RIMS2: variants seen among roughly 807,000 people sequenced by gnomAD.
RIMS2 encodes regulating synaptic membrane exocytosis protein 2.
A neutral mutation model predicts 174.4 loss-of-function variants in RIMS2; 59 were observed. The observed-to-expected ratio is 0.34, with a 90% CI of 0.27 to 0.42. The LOEUF (loss-of-function observed/expected upper bound fraction) is 0.42, where lower values mean the gene tolerates loss of function less well. Among genes scored for constraint, RIMS2 ranks in the 10% least tolerant of loss-of-function variants. RIMS2 has a pLI of 1.00. For missense variants in RIMS2, 1,620 were observed against 1,666.3 expected (o/e 0.97, Z 0.48); for synonymous variants, 606 against 572.5 (o/e 1.06, Z -0.84).
At chr8:103,931,672 T>G (rs1197302410) in intron 12 of RIMS2, among the ~76,000 whole-genome samples, 2 of 152,118 alleles carry the variant, frequency 1.3e-5, no homozygotes, top group Non-Finnish European at 2.9e-5. Context: ...TTATGCTTCC[T>G]AAAATCAAAT....
intron 19 of RIMS2, among the ~76,000 whole-genome samples, chr8:104,128,068 A>G (rs540077344): frequency 1.3e-5 from 2 of 152,348 alleles, no homozygotes; most frequent in African/African-American, 4.8e-5. Context: ...CAACTGAAAC[A>G]GGTGAAACAG....
chr8:103,597,629 T>C (rs1435528784), intron 1 of RIMS2, among the ~76,000 whole-genome samples: 2 of 152,274 alleles, frequency 1.3e-5, no homozygotes, highest in East Asian at 3.9e-4. Flanking sequence ...TGAACTCTTT[T>C]ATATATAGAA....
At position 103,688,078 on chromosome 8, in the gene RIMS2, GC is replaced by G. The variant is rs530138137; in HGVS notation, c.177-9006del. On this transcript the variant is annotated intron_variant, in intron 1 of 23. Transcript: ENST00000504942. ...ATTAAATTTCCTTTTCAATTTGGAT[GC>G]CTTTTATTTCTTTCTTATGCTTAAT... 2.1e-4 allele frequency among the ~76,000 whole-genome samples: 32 copies of G among 152,114 alleles called. No homozygotes were observed. The South Asian group carries it at 6.6e-3, about 32-fold the overall frequency.
chr8:103,609,971 T>A (rs1002676067), intron 1 of RIMS2, among the ~76,000 whole-genome samples: 1 of 152,238 alleles, frequency 6.6e-6, no homozygotes, highest in East Asian at 1.9e-4. Flanking sequence ...GAGTACGGAA[T>A]GCCTTTCTAT....
intron 3 of RIMS2, among the ~76,000 whole-genome samples, chr8:103,809,340 T>G (rs992011404): frequency 6.6e-6 from 1 of 152,050 alleles, no homozygotes; most frequent in Admixed American, 6.6e-5. Context: ...TTATTACAAG[T>G]TTTCTTAACA....
intron 1 of RIMS2, among the ~76,000 whole-genome samples, chr8:103,669,181 T>C (rs1017195562): frequency 4.6e-5 from 7 of 152,236 alleles, no homozygotes; most frequent in Non-Finnish European, 7.4e-5. Flanking sequence ...ATGAGAGCCA[T>C]GCGAAAGTGT....
intron 1 of RIMS2, among the ~76,000 whole-genome samples, chr8:103,524,344 A>ACATTTGAAATGAAG (rs150461825): frequency 6.6e-6 from 1 of 152,130 alleles, no homozygotes; most frequent in Non-Finnish European, 1.5e-5. Flanking sequence ...TAGTGCTGAT[A>ACATTTGAAATGAAG]CATTTGAAAT....
At chr8:104,051,505 A>G (rs2096785516) in intron 19 of RIMS2, among the ~76,000 whole-genome samples, 1 of 152,116 alleles carries the variant, frequency 6.6e-6, no homozygotes, top group South Asian at 2.1e-4. Flanking sequence ...AAGAATGACC[A>G]TATTATAGTC....
At chr8:104,204,152 GGCA>G (rs1181061445) in intron 19 of RIMS2, among the ~76,000 whole-genome samples, 2 of 152,084 alleles carry the variant, frequency 1.3e-5, no homozygotes, top group Non-Finnish European at 2.9e-5. Context: ...AAAACCTGTG[GGCA>G]GTTGTTATCA....
chr8:104,197,424 G>A (rs1425852551), intron 19 of RIMS2, among the ~76,000 whole-genome samples: 3 of 152,008 alleles, frequency 2.0e-5, no homozygotes, highest in South Asian at 2.1e-4. Flanking sequence ...TGATCCACTC[G>A]CCTGGGTCTC....
intron 1 of RIMS2, among the ~76,000 whole-genome samples, chr8:103,585,377 A>G (rs1474494801): frequency 6.6e-6 from 1 of 151,702 alleles, no homozygotes; most frequent in African/African-American, 2.4e-5. Flanking sequence ...CAATCCCATT[A>G]CTGGGTATAT....
chr8:104,006,804 A>G (rs1565811071), intron 17 of RIMS2, among the ~76,000 whole-genome samples: 1 of 151,588 alleles, frequency 6.6e-6, no homozygotes, highest in South Asian at 2.1e-4. Context: ...GATAATATAT[A>G]TATATATTTG....
chr8:103,829,089 T>TA (rs2098809365), intron 3 of RIMS2, among the ~76,000 whole-genome samples: 1 of 105,418 alleles, frequency 9.5e-6, no homozygotes. Flanking sequence ...ATAATAGGTT[T>TA]TTTTTTTTTT....
At chr8:103,880,626 C>T (rs1373262423) in intron 3 of RIMS2, 1 of 507,672 alleles carries the variant, frequency 2.0e-6, no homozygotes, top group Non-Finnish European at 3.6e-6. Flanking sequence ...GCCTGGCACA[C>T]TGTTGATGTA....
chr8:103,916,537 G>T (rs1175956367), exon 8 of RIMS2: 3 of 1,602,172 alleles, frequency 1.9e-6, no homozygotes, highest in South Asian at 2.2e-5. Context: ...AGGCCTATTG[G>T]GTAAGTTGGT....
intron 17 of RIMS2, among the ~76,000 whole-genome samples, chr8:104,011,712 C>T (rs775404804): frequency 1.2e-4 from 18 of 152,070 alleles, no homozygotes; most frequent in Non-Finnish European, 2.4e-4. Flanking sequence ...ATTAGTCTAA[C>T]TTTCTGCTAG....
intron 14 of RIMS2, among the ~76,000 whole-genome samples, chr8:103,948,860 C>G (rs1019519390): frequency 2.6e-5 from 4 of 151,652 alleles, no homozygotes; most frequent in African/African-American, 7.3e-5. Flanking sequence ...CATGATGGCT[C>G]ACACCTGTAA....
chr8:103,689,268 G>A (rs565143617), intron 1 of RIMS2, among the ~76,000 whole-genome samples: 2 of 151,982 alleles, frequency 1.3e-5, no homozygotes, highest in African/African-American at 4.8e-5. Flanking sequence ...TTGTTTTGTG[G>A]CCTAACTTAT....
At chr8:103,789,127 G>C (rs925567274) in intron 3 of RIMS2, among the ~76,000 whole-genome samples, 10 of 152,270 alleles carry the variant, frequency 6.6e-5, no homozygotes, top group African/African-American at 2.4e-4. Context: ...GCCCTGCTTC[G>C]GCTCGTGCAC....
Sources: gnomAD v4.1 joint callset for allele counts (sites outside exome capture counted in the v4.1 genomes callset) on GRCh38, gnomAD v4.1.1 for gene constraint, MANE v1.5 for transcripts, NCBI Gene and HGNC (gene_info 2026-07-23, HGNC 2026-07-21) for gene names.